Variants in SCLT1 observed in about 807,000 individuals in gnomAD.
SCLT1 encodes the protein sodium channel-associated protein 1.
Under a neutral mutation model 112.8 loss-of-function variants are expected in SCLT1, and 78 were observed. The observed-to-expected ratio is 0.69, with a 90% CI of 0.58 to 0.83. The LOEUF (loss-of-function observed/expected upper bound fraction) is 0.83. SCLT1 is among the 40% of genes least tolerant of loss of function. The pLI, the probability that SCLT1 is intolerant of heterozygous loss-of-function variation, is 0.00. For synonymous variants in SCLT1, 257 were observed against 254.7 expected (o/e 1.01, Z -0.09); for missense variants, 747 against 770.4 (o/e 0.97, Z 0.36).
chr4:129,091,942 A>G lies in SCLT1; in HGVS notation c.34+1128T>C, dbSNP rs201740311. Among the ~76,000 whole-genome samples, 18 of 152,220 alleles carry G rather than the reference A, an allele frequency of 1.2e-4. 1 individual carries two copies. The East Asian group carries it at 3.5e-3, about 29-fold the overall frequency. ...AAACGGAACTTACTACCTTTTTCCT[A>G]ACTTCCCCGTTGCTCAAGCAAAAAC... On this transcript the variant is annotated intron_variant, in intron 1 of 20. Transcript: ENST00000281142.
At chr4:128,936,905 C>T (rs1281321632) in intron 17 of SCLT1, 54 bp from the exon 18 acceptor site, 3 of 777,760 alleles carry the variant, frequency 3.9e-6, no homozygotes, top group Admixed American at 3.4e-5. Context: ...AGGTGCTATA[C>T]AGATCAATGA....
chr4:128,999,636 A>G (rs1242219252), intron 7 of SCLT1, 36 bp downstream of exon 7: 3 of 1,549,262 alleles, frequency 1.9e-6, no homozygotes, highest in Non-Finnish European at 2.7e-6. Flanking sequence ...GCAATTTCTT[A>G]TTGATATACA....
intron 16 of SCLT1, among the ~76,000 whole-genome samples, chr4:128,943,440 G>A (rs1737882256): frequency 6.6e-6 from 1 of 152,048 alleles, no homozygotes; most frequent in Admixed American, 6.6e-5. Flanking sequence ...AAATCAATGT[G>A]AGACTTCTTT....
chr4:129,092,332 A>G (rs1472551633), intron 1 of SCLT1, among the ~76,000 whole-genome samples: 5 of 152,244 alleles, frequency 3.3e-5, no homozygotes, highest in Admixed American at 3.3e-4. Context: ...AACAAAGCAT[A>G]TTCCTAATCC....
At chr4:128,912,653 T>C (rs1465236158) in intron 18 of SCLT1, among the ~76,000 whole-genome samples, 2 of 152,074 alleles carry the variant, frequency 1.3e-5, no homozygotes, top group Non-Finnish European at 2.9e-5. Context: ...CAAGTAAAAG[T>C]AAGTACATGG....
chr4:128,891,334 T>C (rs575478093), intron 18 of SCLT1, among the ~76,000 whole-genome samples, 197 bp from the exon 19 acceptor site: 4 of 152,190 alleles, frequency 2.6e-5, no homozygotes, highest in Non-Finnish European at 5.9e-5. Flanking sequence ...TAGAGATTAG[T>C]TGCACAACAA....
At position 128,959,942 on chromosome 4, in the gene SCLT1, C is replaced by A. The variant is rs73847314; in HGVS notation, c.870-165G>T. ...CCTTCTATAAAGTAGGTTTTACTAT[C>A]TCCATACCTTCATTTTAAAGAACAA... On this transcript the variant is annotated intron_variant, in intron 11 of 20. Transcript: ENST00000281142. Among the ~76,000 whole-genome samples the A allele has an allele frequency of 4.1e-3, 629 of 152,268 alleles. 1 individual carries two copies. Among genetic ancestry groups the A allele is most frequent in the African/African-American group, 0.012 (512 of 41,558 alleles).
At chr4:128,924,162 T>G (rs1736108478) in intron 18 of SCLT1, among the ~76,000 whole-genome samples, 2 of 152,078 alleles carry the variant, frequency 1.3e-5, no homozygotes, top group South Asian at 4.1e-4. Context: ...TAAAAAAAAA[T>G]CAAGTACTTT....
At chr4:129,078,144 C>T (rs1270081942) in intron 2 of SCLT1, among the ~76,000 whole-genome samples, 1 of 152,198 alleles carries the variant, frequency 6.6e-6, no homozygotes, top group Non-Finnish European at 1.5e-5. Context: ...TGGTTAGCTT[C>T]ACAAAAGTAA....
chr4:128,914,989 G>A (rs913037906), intron 18 of SCLT1, among the ~76,000 whole-genome samples: 4 of 151,728 alleles, frequency 2.6e-5, no homozygotes, highest in South Asian at 2.1e-4. Context: ...AAAGGGGCAC[G>A]GCATACTAGA....
chr4:128,897,495 G>T (rs1233964100), intron 18 of SCLT1, among the ~76,000 whole-genome samples: 1 of 69,466 alleles, frequency 1.4e-5, no homozygotes. Context: ...TCACCACCAG[G>T]CCTGCCTAAA....
chr4:128,955,087 C>T (rs763786394), intron 13 of SCLT1, among the ~76,000 whole-genome samples: 14 of 152,122 alleles, frequency 9.2e-5, no homozygotes, highest in Non-Finnish European at 1.8e-4. Flanking sequence ...ACTATTGACA[C>T]TGATGGTATA....
At chr4:129,065,323 ATTG>A (rs1170688206) in intron 2 of SCLT1, among the ~76,000 whole-genome samples, 1 of 142,154 alleles carries the variant, frequency 7.0e-6, no homozygotes, top group African/African-American at 2.5e-5. Context: ...TTTGAACCAC[ATTG>A]TTGTTCACAT....
At chr4:129,027,590 G>C (rs2126136321) in intron 5 of SCLT1, among the ~76,000 whole-genome samples, 1 of 152,154 alleles carries the variant, frequency 6.6e-6, no homozygotes, top group Non-Finnish European at 1.5e-5. Flanking sequence ...GGCAAAAACT[G>C]GAAGCATTCC....
At chr4:129,017,168 G>A (rs1258172096) in intron 5 of SCLT1, among the ~76,000 whole-genome samples, 2 of 151,402 alleles carry the variant, frequency 1.3e-5, no homozygotes, top group Non-Finnish European at 2.9e-5. Flanking sequence ...TTATTTTATT[G>A]CAGATGAAAT....
chr4:128,874,335 T>TGAC (rs1180360578), intron 5 of SCLT1: 1 of 152,592 alleles, frequency 6.6e-6, no homozygotes, highest in Non-Finnish European at 1.5e-5. Context: ...AGTAAGTGTA[T>TGAC]GACCTCTCAC....
chr4:129,078,540 A>C (rs1751658343), intron 2 of SCLT1, among the ~76,000 whole-genome samples: 1 of 151,962 alleles, frequency 6.6e-6, no homozygotes, highest in South Asian at 2.1e-4. Flanking sequence ...ATGCATAAAA[A>C]TTATATATTA....
At chr4:129,003,155 A>G (rs1743670569) in intron 6 of SCLT1, among the ~76,000 whole-genome samples, 1 of 152,106 alleles carries the variant, frequency 6.6e-6, no homozygotes, top group Non-Finnish European at 1.5e-5. Context: ...GAAGCTGGAA[A>G]CTATCATTCT....
chr4:128,905,661 A>T (rs1168132392), intron 18 of SCLT1, among the ~76,000 whole-genome samples: 1 of 152,086 alleles, frequency 6.6e-6, no homozygotes, highest in Non-Finnish European at 1.5e-5. Context: ...CCCCTCACTC[A>T]CTATACTCAC....
Sources: allele counts gnomAD v4.1 joint callset (sites outside exome capture counted in the v4.1 genomes callset), GRCh38; gene constraint gnomAD v4.1.1; transcripts MANE v1.5; gene names NCBI Gene and HGNC (gene_info 2026-07-23, HGNC 2026-07-21).